The following CCDC171 variants were observed in gnomAD, a reference collection of about 807,000 sequenced individuals.
CCDC171 encodes coiled-coil domain-containing protein 171.
Under a neutral mutation model 168.2 loss-of-function variants are expected in CCDC171, and 177 were observed. That is an observed-to-expected ratio of 1.05 (90% CI 0.93 to 1.19). The LOEUF (loss-of-function observed/expected upper bound fraction) is 1.19. Among genes scored for constraint, CCDC171 ranks in the 50% most tolerant of loss-of-function variants. The pLI is 0.00. For synonymous variants in CCDC171, 687 were observed against 540.8 expected (o/e 1.27, Z -3.75); for missense variants, 1,991 against 1,539.0 (o/e 1.29, Z -4.91).
chr9:15,915,464 A>G (rs1824367082), intron 24 of CCDC171, among the ~76,000 whole-genome samples: 1 of 152,010 alleles, frequency 6.6e-6, no homozygotes, highest in South Asian at 2.1e-4. Flanking sequence ...GTGTACATTA[A>G]TTTTGCATCC....
Position 15,666,297 on chromosome 9 carries a change from A to T in CCDC171, c.1050A>T (p.Ala350=), listed in dbSNP as rs1302508746. 1.9e-6 allele frequency: 3 copies of T among 1,610,036 alleles called. No homozygotes were observed. Among genetic ancestry groups the T allele is most frequent in the Non-Finnish European group, 2.5e-6 (3 of 1,178,462 alleles). ...ESAYEREKHN[A]QESFAKLNLL... is the part of the protein sequence containing the mutation. ...CATATGAGCGAGAAAAGCATAATGC[A>T]CAAGAGAGCTTTGCAAAACTAAATT... Residue 350 remains alanine, a synonymous_variant, in exon 9 of 26, where the codon GCA becomes GCT. Transcript: ENST00000380701.
At chr9:16,105,068 C>T in the CCDC171 span, among the ~76,000 whole-genome samples, 1 of 152,152 alleles carries the variant, frequency 6.6e-6, no homozygotes, top group Non-Finnish European at 1.5e-5. Context: ...TACCAAATTC[C>T]CTCCCATTTG....
chr9:15,846,603 CTCAG>C, intron 21 of CCDC171, 95 bp from the exon 22 acceptor site: 1 of 1,253,266 alleles, frequency 8.0e-7, no homozygotes, highest in Non-Finnish European at 1.1e-6. Context: ...AAGTCTACTT[CTCAG>C]TCAGTCTGTA....
At chr9:15,812,857 A>G (rs7039747) in intron 21 of CCDC171, among the ~76,000 whole-genome samples, 129 of 152,300 alleles carry the variant, frequency 8.5e-4, no homozygotes, top group African/African-American at 2.5e-3. Flanking sequence ...AAATTTGTGT[A>G]TATTGGGTTG....
intron 21 of CCDC171, among the ~76,000 whole-genome samples, chr9:15,815,576 C>T (rs13283947): frequency 0.15 from 16,686 of 113,350 alleles, 5,586 homozygotes; most frequent in Non-Finnish European, 0.23. Flanking sequence ...ATTGTTTGCC[C>T]TACTCTGAGG....
chr9:15,757,601 A>G (rs2056200759), intron 18 of CCDC171, among the ~76,000 whole-genome samples: 1 of 152,250 alleles, frequency 6.6e-6, no homozygotes, highest in Non-Finnish European at 1.5e-5. Flanking sequence ...TTGCTTAAGT[A>G]ACAATTAGCT....
chr9:15,796,434 A>G (rs968742372), intron 21 of CCDC171, among the ~76,000 whole-genome samples: 8 of 152,236 alleles, frequency 5.3e-5, no homozygotes, highest in African/African-American at 1.9e-4. Context: ...AGACAAAAGT[A>G]AGTCTTTAAA....
intron 21 of CCDC171, among the ~76,000 whole-genome samples, chr9:15,843,402 A>G (rs768482336): frequency 2.6e-5 from 4 of 152,060 alleles, no homozygotes; most frequent in Non-Finnish European, 5.9e-5. Flanking sequence ...ACTTTCTAAC[A>G]GCTAAAATTG....
chr9:15,930,852 A>G (rs774208958), intron 25 of CCDC171, among the ~76,000 whole-genome samples: 6 of 151,710 alleles, frequency 4.0e-5, no homozygotes, highest in Non-Finnish European at 7.4e-5. Flanking sequence ...ATAATTGCAC[A>G]TATATCTGGG....
chr9:15,762,383 A>G (rs549154791), intron 18 of CCDC171, among the ~76,000 whole-genome samples: 1 of 152,342 alleles, frequency 6.6e-6, no homozygotes, highest in South Asian at 2.1e-4. Context: ...TTAAAACCTA[A>G]GCAGGAAAAG....
the CCDC171 span, among the ~76,000 whole-genome samples, chr9:16,092,947 G>A: frequency 3.3e-5 from 5 of 152,204 alleles, no homozygotes; most frequent in Non-Finnish European, 5.9e-5. Context: ...CAACATGGGT[G>A]GTCCTCGTGC....
downstream of CCDC171, among the ~76,000 whole-genome samples, chr9:15,977,803 G>A (rs16933846): frequency 6.6e-6 from 1 of 152,070 alleles, no homozygotes; most frequent in South Asian, 2.1e-4. Context: ...AAACATTCAC[G>A]ATGACAAGAA....
chr9:15,591,466 T>A lies in CCDC171; in HGVS notation c.453T>A (p.Asp151Glu). 6.2e-7 allele frequency: 1 copy of A among 1,609,116 alleles called. No homozygotes were observed. ...WKEECRRFEH[D>E]LEERDNMIQN... ...AAGAATGCAGAAGATTTGAACATGA[T>A]TTGGAGGAAAGAGACAATATGATCC... The change falls in exon 5 of 26, where the codon GAT (aspartate) becomes GAA (glutamate). Residue 151 changes from aspartate to glutamate, a missense_variant. Asp to Glu is a conservative substitution (Grantham distance 45, BLOSUM62 2). Coordinates refer to ENST00000380701, the MANE Select transcript of CCDC171 (RefSeq NM_173550.4).
downstream of CCDC171, among the ~76,000 whole-genome samples, chr9:15,974,733 A>T (rs1222445636): frequency 6.6e-6 from 1 of 152,232 alleles, no homozygotes; most frequent in African/African-American, 2.4e-5. Context: ...AACCTTTTAA[A>T]TAGAATGATC....
At chr9:15,884,813 T>C (rs915561685) in intron 24 of CCDC171, among the ~76,000 whole-genome samples, 3 of 152,130 alleles carry the variant, frequency 2.0e-5, no homozygotes, top group African/African-American at 4.8e-5. Flanking sequence ...CATTAAAAAA[T>C]GCTATATTAG....
At chr9:15,557,963 G>A (rs1476576936) in intron 1 of CCDC171, among the ~76,000 whole-genome samples, 1 of 152,004 alleles carries the variant, frequency 6.6e-6, no homozygotes, top group South Asian at 2.1e-4. Flanking sequence ...GTTGAATTTT[G>A]TCAAAGGCCT....
intron 14 of CCDC171, among the ~76,000 whole-genome samples, chr9:15,726,079 A>G (rs2053780772): frequency 6.6e-6 from 1 of 152,190 alleles, no homozygotes; most frequent in African/African-American, 2.4e-5. Context: ...TACTCCAACA[A>G]ATATGAACAT....
intron 6 of CCDC171, among the ~76,000 whole-genome samples, chr9:15,611,614 G>A (rs137991066): frequency 9.0e-4 from 137 of 152,158 alleles, no homozygotes; most frequent in African/African-American, 3.1e-3. Context: ...TTTTAATAAG[G>A]TGTCTTACCC....
chr9:15,632,791 C>A (rs1226826486), intron 7 of CCDC171, among the ~76,000 whole-genome samples: 1 of 152,146 alleles, frequency 6.6e-6, no homozygotes, highest in Non-Finnish European at 1.5e-5. Context: ...GCTACAGTAA[C>A]CAAAACAGTA....
Sources: gnomAD v4.1 joint callset for allele counts (sites outside exome capture counted in the v4.1 genomes callset) on GRCh38, gnomAD v4.1.1 for gene constraint, MANE v1.5 for transcripts, NCBI Gene and HGNC (gene_info 2026-07-23, HGNC 2026-07-21) for gene names.